Variants in NSF observed in about 807,000 individuals in gnomAD.
The protein encoded by NSF is N-ethylmaleimide sensitive factor, vesicle fusing ATPase, also known as vesicle-fusing ATPase.
In NSF, 14 loss-of-function variants were observed where a neutral mutation model predicts 50.3. The observed-to-expected ratio is 0.28, with a 90% confidence interval of 0.18 to 0.44. The LOEUF is 0.44. Among genes scored for constraint, NSF ranks in the 20% least tolerant of loss-of-function variants. The probability of loss-of-function intolerance (pLI) is 1.00; values close to 1 mark genes in which losing one functional copy is unlikely to be tolerated. For missense variants in NSF, 218 were observed against 504.3 expected (o/e 0.43, Z 5.44); for synonymous variants, 109 against 175.7 (o/e 0.62, Z 3.00).
At chr17:46,736,144 A>G (rs2059002395) in intron 17 of NSF, among the ~76,000 whole-genome samples, 1 of 152,150 alleles carries the variant, frequency 6.6e-6, no homozygotes, top group Non-Finnish European at 1.5e-5. Flanking sequence ...TCTCTCATTC[A>G]CTGAAATTTA....
At chr17:46,605,466 T>C (rs1205205970) in intron 1 of NSF, among the ~76,000 whole-genome samples, 1 of 149,412 alleles carries the variant, frequency 6.7e-6, no homozygotes, top group African/African-American at 2.5e-5. Flanking sequence ...AAAAAAAAGC[T>C]GTCAGAGAAA....
In NSF at chr17:46,743,292, G is replaced by A. The variant is rs929334698; in HGVS notation, c.1909-6481G>A. Among the ~76,000 whole-genome samples the A allele has an allele frequency of 5.9e-5, 9 of 152,126 alleles. No homozygotes were observed. In the East Asian group the frequency reaches 9.6e-4, roughly 16 times the overall value. On this transcript the variant is annotated intron_variant, in intron 17 of 20. Coordinates refer to ENST00000398238, the MANE Select transcript of NSF (RefSeq NM_006178.4). The stretch of plus-strand genomic sequence containing the variant: ...CGTCCCTCACCCACCTGACCTAACC[G>A]TATGGATTCCTGACACCACAGGCAG...
intron 4 of NSF, among the ~76,000 whole-genome samples, chr17:46,631,084 A>ACACACACACACACACACACACACG (rs2058134014): frequency 6.2e-5 from 9 of 145,586 alleles, no homozygotes; most frequent in South Asian, 2.1e-4. Flanking sequence ...ACACACACAC[A>ACACACACACACACACACACACACG]CACACACACA....
intron 17 of NSF, among the ~76,000 whole-genome samples, chr17:46,739,138 G>A (rs1303830703): frequency 2.0e-5 from 3 of 152,230 alleles, no homozygotes; most frequent in African/African-American, 4.8e-5. Context: ...GGGAGGCCAA[G>A]GTAGGTGGAT....
intron 1 of NSF, among the ~76,000 whole-genome samples, chr17:46,609,841 T>G (rs2057991448): frequency 7.0e-6 from 1 of 141,888 alleles, no homozygotes; most frequent in African/African-American, 2.6e-5. Flanking sequence ...TTTTTTTTTT[T>G]TTGAGATAGG....
rs925068138 is a variant in NSF at position 46,729,044 on chromosome 17, TG to T, written c.1908+111del. 109 of 688,820 alleles carry T rather than the reference TG, an allele frequency of 1.6e-4. No homozygotes were observed. The African/African-American group carries it at 1.8e-3, about 11-fold the overall frequency. 42.7% of individuals were successfully genotyped at this position (688,820 alleles called of 1,614,324 possible). ...GGTTATCATAAACATAAAATTCTGT[TG>T]TTGAAAGGATTTTGAAAGGTCGTCC... On this transcript the variant is annotated intron_variant, in intron 17 of 20. Transcript: ENST00000398238.
chr17:46,751,565 G>C lies in NSF; in HGVS notation c.2106G>C (p.Lys702Asn). The C allele has an allele frequency of 1.2e-6, 2 of 1,613,876 alleles. No homozygotes were observed. Among genetic ancestry groups the C allele is most frequent in the Non-Finnish European group, 8.5e-7 (1 of 1,179,848 alleles). Residue 702 changes from lysine to asparagine, a missense_variant, in exon 19 of 21, where the codon AAG (lysine) becomes AAC (asparagine). By Grantham distance (94) the Lys-to-Asn change is moderately conservative. Around this residue, in one of 2 missense-constraint regions of NSF, gnomAD observed 209 missense variants for 320.9 expected, o/e 0.65. Coordinates refer to ENST00000398238, the MANE Select transcript of NSF (RefSeq NM_006178.4). ...TTIAQQVKGK[K>N]VWIGIKKLLM... ...TTGCACAGCAAGTCAAAGGGAAGAA[G>C]GTCTGGATAGGAATCAAGAAGTTAC...
intron 20 of NSF, 31 bp from the exon 21 acceptor site, chr17:46,755,771 G>A (rs745531912): frequency 6.8e-7 from 1 of 1,460,082 alleles, no homozygotes; most frequent in South Asian, 1.3e-5. Flanking sequence ...ACCCTCATCT[G>A]TTTTTTTGTG....
At chr17:46,727,293 G>A (rs2146293635) in intron 16 of NSF, among the ~76,000 whole-genome samples, 1 of 152,288 alleles carries the variant, frequency 6.6e-6, no homozygotes, top group East Asian at 1.9e-4. Context: ...TAAACTGCAA[G>A]GAAGGGCCAG....
At position 46,721,778 on chromosome 17, in the gene NSF, A is replaced by G. The variant is rs147574523; in HGVS notation, c.1762-4771A>G. ...TTCGCTTGGGAAGACCAAGTCCTCA[A>G]GGAAGGCATCGTGCACAGCTGTCAG... On this transcript the variant is annotated intron_variant, in intron 15 of 20. Coordinates refer to ENST00000398238, the MANE Select transcript of NSF (RefSeq NM_006178.4). The G allele has an allele frequency of 1.9e-6, 3 of 1,602,872 alleles. No homozygotes were observed. The African/African-American group carries it at 4.0e-5, about 21-fold the overall frequency.
At chr17:46,725,067 T>A (rs1219704842) in intron 15 of NSF, among the ~76,000 whole-genome samples, 2 of 152,356 alleles carry the variant, frequency 1.3e-5, no homozygotes, top group South Asian at 4.1e-4. Context: ...AAGACAGCAC[T>A]TGCCATCTGA....
chr17:46,749,660 A>G lies in NSF; in HGVS notation c.1909-113A>G. On this transcript the variant is annotated intron_variant, in intron 17 of 20. Coordinates refer to ENST00000398238, the MANE Select transcript of NSF (RefSeq NM_006178.4). The stretch of plus-strand genomic sequence containing the variant: ...TTGTTTTCTTCTGTTTTGCCTAATC[A>G]TTTGCATCGGCAAGATTAAATAAAA... The G allele has an allele frequency of 3.0e-6, 3 of 1,007,154 alleles. No homozygotes were observed. In the Admixed American group the frequency reaches 7.9e-5, roughly 26 times the overall value. 62.4% of individuals were successfully genotyped at this position (1,007,154 alleles called of 1,614,324 possible).
At chr17:46,744,132 G>T (rs1442519726) in intron 17 of NSF, among the ~76,000 whole-genome samples, 1 of 152,180 alleles carries the variant, frequency 6.6e-6, no homozygotes, top group East Asian at 1.9e-4. Context: ...ATTTGCGAGT[G>T]TGTTACTTGG....
At chr17:46,722,270 G>T in intron 15 of NSF, 1 of 959,050 alleles carries the variant, frequency 1.0e-6, no homozygotes, top group Non-Finnish European at 1.7e-6. Flanking sequence ...TTTGGGGGGA[G>T]TCTGTAAGAT....
chr17:46,704,604 TC>T (rs1406197957), intron 12 of NSF, among the ~76,000 whole-genome samples, 154 bp from the exon 13 acceptor site: 2 of 150,928 alleles, frequency 1.3e-5, no homozygotes, highest in Non-Finnish European at 2.9e-5. Context: ...TGGATATTAA[TC>T]CCTTATCACA....
intron 20 of NSF, 153 bp from the exon 21 acceptor site, chr17:46,755,646 TTTC>T: frequency 3.7e-6 from 3 of 806,590 alleles, no homozygotes; most frequent in Non-Finnish European, 3.8e-6. Context: ...CTGTGACCAT[TTTC>T]TTTTGTGAAG....
rs535066648 is a variant in NSF at position 46,757,075 on chromosome 17, G to A, written c.*1252G>A. The A allele has an allele frequency of 7.9e-5, 12 of 152,324 alleles. No individual in the cohort carries two copies. Among genetic ancestry groups the A allele is most frequent in the African/African-American group, 2.9e-4 (12 of 41,570 alleles). 9.4% of individuals were successfully genotyped at this position (152,324 alleles called of 1,614,324 possible). On this transcript the variant is annotated 3_prime_UTR_variant, in exon 21 of 21. Coordinates refer to ENST00000398238, the MANE Select transcript of NSF (RefSeq NM_006178.4). ...TGCTTACCTCACACGCCACCCATGA[G>A]GCTTGTGGCCACAGTGGCACTTGGG...
chr17:46,726,413 T>G, intron 15 of NSF, 136 bp from the exon 16 acceptor site: 1 of 794,704 alleles, frequency 1.3e-6, no homozygotes, highest in African/African-American at 1.7e-5. Flanking sequence ...GTGTGTCAAT[T>G]CTAATTTATT....
At chr17:46,741,223 G>A (rs1222235575) in intron 17 of NSF, among the ~76,000 whole-genome samples, 2 of 152,192 alleles carry the variant, frequency 1.3e-5, no homozygotes, top group African/African-American at 4.8e-5. Context: ...GACAGAGAAT[G>A]AGGGGGTTTG....
Sources: allele counts gnomAD v4.1 joint callset (sites outside exome capture counted in the v4.1 genomes callset), GRCh38; gene constraint gnomAD v4.1.1; regional missense constraint gnomAD v4.1.1; transcripts MANE v1.5; gene names NCBI Gene and HGNC (gene_info 2026-07-23, HGNC 2026-07-21).